The following TRPM3 variants were observed in gnomAD, a reference collection of about 807,000 sequenced individuals.
TRPM3 encodes the protein long transient receptor potential channel 3.
TRPM3 carries 77 observed loss-of-function variants against 181.2 expected under a neutral mutation model. The ratio of observed to expected loss-of-function variants is 0.42; its 90% CI spans 0.35 to 0.51. The LOEUF (loss-of-function observed/expected upper bound fraction) is 0.51, where lower values mean the gene tolerates loss of function less well. Among genes scored for constraint, TRPM3 ranks in the 20% least tolerant of loss-of-function variants. The pLI is 0.01. For missense variants in TRPM3, 1,759 were observed against 2,196.7 expected (o/e 0.80, Z 3.98); for synonymous variants, 745 against 796.4 (o/e 0.94, Z 1.09).
chr9:71,003,722 G>T (rs1370563609), intron 1 of TRPM3, among the ~76,000 whole-genome samples: 1 of 152,128 alleles, frequency 6.6e-6, no homozygotes, highest in Non-Finnish European at 1.5e-5. Flanking sequence ...ACCATTTGCA[G>T]TCGGCAAGGT....
intron 22 of TRPM3, among the ~76,000 whole-genome samples, chr9:70,590,202 CA>C (rs1159179149): frequency 6.6e-6 from 1 of 152,096 alleles, no homozygotes; most frequent in Admixed American, 6.5e-5. Flanking sequence ...GCTTTCTTCC[CA>C]AAAAATTTCC....
At chr9:71,098,704 G>A (rs1407550464) in intron 1 of TRPM3, among the ~76,000 whole-genome samples, 1 of 152,168 alleles carries the variant, frequency 6.6e-6, no homozygotes, top group Non-Finnish European at 1.5e-5. Flanking sequence ...TGGCCTGGAA[G>A]TGGTAAATGT....
chr9:71,375,220 A>G (rs2092635509), intron 1 of TRPM3, among the ~76,000 whole-genome samples: 1 of 152,208 alleles, frequency 6.6e-6, no homozygotes, highest in Non-Finnish European at 1.5e-5. Flanking sequence ...AAGACCACAT[A>G]TCTACAACCA....
intron 22 of TRPM3, among the ~76,000 whole-genome samples, chr9:70,566,182 G>A (rs1359442385): frequency 1.3e-5 from 2 of 152,146 alleles, no homozygotes; most frequent in East Asian, 3.8e-4. Context: ...GTGGGAGAAA[G>A]TACAGAATAC....
At chr9:71,106,844 A>G (rs982395094) in intron 1 of TRPM3, among the ~76,000 whole-genome samples, 1 of 152,216 alleles carries the variant, frequency 6.6e-6, no homozygotes. Flanking sequence ...TTGTTTGGAT[A>G]TGGAAAATGA....
intron 8 of TRPM3, among the ~76,000 whole-genome samples, chr9:70,701,336 G>A (rs994288289): frequency 1.3e-5 from 2 of 152,256 alleles, no homozygotes; most frequent in Admixed American, 6.5e-5. Context: ...GAGAGTTCAC[G>A]TGTCTGCTAT....
rs763369558 is a variant in TRPM3, at chr9:70,553,308, G to A, written c.3226C>T (p.Pro1076Ser). 1.2e-6 allele frequency: 2 copies of A among 1,613,896 alleles called. No homozygotes were observed. The highest frequency in any genetic ancestry group is 4.5e-5 in the East Asian group (2 of 44,882). Reference protein sequence around the residue: ...GEVFADQIDPPCGQNETREDG... With the variant: ...GEVFADQIDPSCGQNETREDG... ...TCTCGGGTCTCATTCTGTCCACAGGGAGCTGGAGGGAGCAACACACACAAG... is the reference window on the plus strand; with the variant it reads ...TCTCGGGTCTCATTCTGTCCACAGGAAGCTGGAGGGAGCAACACACACAAG... Residue 1076 changes from proline to serine, a missense_variant and splice_region_variant, in exon 23 of 26, where the codon CCC (proline) becomes TCC (serine). Around this residue, in one of 8 missense-constraint regions of TRPM3, gnomAD observed 94 missense variants for 221.3 expected, o/e 0.42. Transcript: ENST00000677713.
intron 6 of TRPM3, among the ~76,000 whole-genome samples, chr9:70,806,459 G>A (rs959012900): frequency 1.3e-5 from 2 of 152,116 alleles, no homozygotes; most frequent in Admixed American, 6.5e-5. Context: ...TTCGGAGGAT[G>A]AGGCAGGTGG....
chr9:70,864,337 G>C (rs2095591955), intron 2 of TRPM3, 95 bp downstream of exon 2: 2 of 784,354 alleles, frequency 2.5e-6, no homozygotes, highest in Non-Finnish European at 3.9e-6. Context: ...TATTTAATTT[G>C]ACAGTGTTTC....
At chr9:71,378,839 A>G (rs912503356) in intron 1 of TRPM3, among the ~76,000 whole-genome samples, 14 of 152,058 alleles carry the variant, frequency 9.2e-5, no homozygotes, top group African/African-American at 3.1e-4. Context: ...ACTAAATACT[A>G]TTACAGCATT....
chr9:70,943,257 T>C (rs1181397964), intron 1 of TRPM3, among the ~76,000 whole-genome samples: 3 of 152,224 alleles, frequency 2.0e-5, no homozygotes, highest in Admixed American at 6.5e-5. Context: ...TAGAACCTTC[T>C]ACACAGAGAA....
intron 1 of TRPM3, among the ~76,000 whole-genome samples, chr9:71,078,637 C>T (rs2063795468): frequency 6.6e-6 from 1 of 152,120 alleles, no homozygotes; most frequent in African/African-American, 2.4e-5. Flanking sequence ...GTAGGTATAA[C>T]ATTTTGTTAA....
chr9:71,010,586 T>A (rs10435963), intron 1 of TRPM3, among the ~76,000 whole-genome samples: 49,893 of 151,852 alleles, frequency 0.33, 8,984 homozygotes, highest in Middle Eastern at 0.43. Flanking sequence ...CTCATCCCAA[T>A]TAGAAAGGCT....
In TRPM3 at chr9:70,549,598, T is replaced by C; in HGVS notation, c.3651A>G (p.Glu1217=). Residue 1217 remains glutamate (E), a synonymous_variant, in exon 25 of 26, where the codon GAA becomes GAG. Transcript: ENST00000677713. ...TAGATGAGTTGAACCGATCATCCTT[T>C]TCTCTGAAGTATTCTTCTATGCATT... ...EEQCIEEYFR[E]KDDRFNSSND... 1 of 1,613,868 alleles carries C rather than the reference T, an allele frequency of 6.2e-7. No individual in the cohort carries two copies. Among genetic ancestry groups the C allele is most frequent in the East Asian group, 2.2e-5 (1 of 44,876 alleles).
chr9:70,597,614 G>A (rs561567991), intron 21 of TRPM3, among the ~76,000 whole-genome samples: 1 of 152,232 alleles, frequency 6.6e-6, no homozygotes, highest in African/African-American at 2.4e-5. Flanking sequence ...CAGTCTCTAC[G>A]GAAAAAGTCT....
chr9:70,967,663 A>C (rs2097199500), intron 1 of TRPM3, among the ~76,000 whole-genome samples: 1 of 152,120 alleles, frequency 6.6e-6, no homozygotes, highest in Admixed American at 6.6e-5. Flanking sequence ...CTGTGATCAA[A>C]TTATTTGGGA....
At chr9:71,431,865 C>A (rs985597645) in intron 1 of TRPM3, among the ~76,000 whole-genome samples, 18 of 152,104 alleles carry the variant, frequency 1.2e-4, no homozygotes, top group African/African-American at 3.6e-4. Flanking sequence ...TCTCTCTGTC[C>A]AGGATATGAA....
rs147240699 is a variant in TRPM3 at position 71,159,946 on chromosome 9, G to A, written c.183+286707C>T. On this transcript the variant is annotated intron_variant, in intron 1 of 24. Transcript: ENST00000357533. The stretch of plus-strand genomic sequence containing the variant: ...TATTGAGTGTTTGGAGAAATTGTTG[G>A]CAGAGGAAGCAAGAAAGTCCTTAAA... Among the ~76,000 whole-genome samples the A allele has an allele frequency of 8.5e-5, 13 of 152,144 alleles. No homozygotes were observed. The East Asian group carries it at 2.5e-3, about 29-fold the overall frequency.
rs571738108 is a variant in TRPM3 at position 71,245,889 on chromosome 9, G to A, written c.183+200764C>T. Among the ~76,000 whole-genome samples, 13 of 152,306 alleles carry A rather than the reference G, an allele frequency of 8.5e-5. No homozygotes were observed. In the South Asian group the frequency reaches 2.7e-3, roughly 32 times the overall value. On this transcript the variant is annotated intron_variant, in intron 1 of 24. Transcript: ENST00000357533. ...CAGGAGGACTCAAGTGCCCCAAAGA[G>A]GGGAGGAACAGAAGAGAGATTTATA...
Sources: allele counts gnomAD v4.1 joint callset (sites outside exome capture counted in the v4.1 genomes callset), GRCh38; gene constraint gnomAD v4.1.1; regional missense constraint gnomAD v4.1.1; transcripts MANE v1.5; gene names NCBI Gene and HGNC (gene_info 2026-07-23, HGNC 2026-07-21).